The following UNC5A variants were observed in gnomAD, a reference collection of about 807,000 sequenced individuals.
UNC5A encodes netrin receptor UNC5A.
Under a neutral mutation model 87.4 loss-of-function variants are expected in UNC5A, and 20 were observed. The observed-to-expected ratio is 0.23, with a 90% CI of 0.16 to 0.33. The LOEUF (loss-of-function observed/expected upper bound fraction) is 0.33. Among genes scored for constraint, UNC5A ranks in the 10% least tolerant of loss-of-function variants. UNC5A has a pLI of 1.00. For missense variants in UNC5A, 844 were observed against 1,133.4 expected, an observed-to-expected ratio of 0.74 and a Z score of 3.67; for synonymous variants, 438 against 482.3, an observed-to-expected ratio of 0.91 and a Z score of 1.20.
Position 176,862,745 on chromosome 5 carries a change from G to C in UNC5A, c.192G>C (p.Val64=). 1 of 1,613,624 alleles carries C rather than the reference G, an allele frequency of 6.2e-7. No individual in the cohort carries two copies. Among genetic ancestry groups the C allele is most frequent in the South Asian group, 1.1e-5 (1 of 91,078 alleles). The change falls in exon 2 of 15, where the codon GTG becomes GTC. Residue 64 remains valine, a synonymous_variant. Transcript: ENST00000329542. ...YIVKNKPVLL[V]CKAVPATQIF... is the part of the protein sequence containing the mutation. ...TCAAGAACAAGCCAGTGCTGCTTGT[G>C]TGCAAGGCCGTGCCCGCCACGCAGA...
chr5:176,860,160 G>T (rs1469611038), intron 1 of UNC5A, among the ~76,000 whole-genome samples: 1 of 152,222 alleles, frequency 6.6e-6, no homozygotes, highest in Non-Finnish European at 1.5e-5. Context: ...CCAGCGCATT[G>T]TCTACCTGTT....
rs1561665887 is a variant in UNC5A at position 176,869,697 on chromosome 5, T to C, written c.722-673T>C. 4 of 688,928 alleles carry C rather than the reference T, an allele frequency of 5.8e-6. No homozygotes were observed. Among genetic ancestry groups the C allele is most frequent in the Non-Finnish European group, 1.1e-5 (4 of 376,012 alleles). The allele number at this position is 688,928 out of a possible 1,614,324, so 42.7% of individuals were successfully genotyped here. A position where few individuals can be genotyped will look rare whatever the true frequency, so the allele number is the denominator to read the frequency against. ...CGGCTGGCAGAAACGGAGCCGGAGC[T>C]GCACCAACCCGGCGCCTCTCAACGG... On this transcript the variant is annotated intron_variant, in intron 5 of 14. Transcript: ENST00000329542. The surrounding 1 kb of genome is among the most constrained non-coding windows in gnomAD (Gnocchi z 9.1).
At chr5:176,864,628 C>A (rs894197474) in intron 2 of UNC5A, among the ~76,000 whole-genome samples, 3 of 152,238 alleles carry the variant, frequency 2.0e-5, no homozygotes, top group Non-Finnish European at 4.4e-5. Flanking sequence ...TCACACACCA[C>A]CCCTCCGTGA....
At position 176,880,285 on chromosome 5, in the gene UNC5A, C is replaced by T; in HGVS notation, c.*399C>T. 6.0e-6 allele frequency: 1 copy of T among 166,342 alleles called. No homozygotes were observed. The allele number at this position is 166,342 out of a possible 1,614,324, so 10.3% of individuals were successfully genotyped here. A position where few individuals can be genotyped will look rare whatever the true frequency, so the allele number is the denominator to read the frequency against. On this transcript the variant is annotated 3_prime_UTR_variant, in exon 15 of 15. Coordinates refer to ENST00000329542, the MANE Select transcript of UNC5A (RefSeq NM_133369.3). ...CCCAGAGCTCCTGCCTGAGCTGGACCTTATGCAAACATTTCTGTGCCTGCT... is the reference window on the plus strand; with the variant it reads ...CCCAGAGCTCCTGCCTGAGCTGGACTTTATGCAAACATTTCTGTGCCTGCT...
At chr5:176,873,557 C>T (rs1314937322) in intron 6 of UNC5A, among the ~76,000 whole-genome samples, 1 of 152,168 alleles carries the variant, frequency 6.6e-6, no homozygotes, top group Non-Finnish European at 1.5e-5. Flanking sequence ...TGACCTGGAA[C>T]CACACAGGAG....
In UNC5A at chr5:176,851,586, G is replaced by A. The variant is rs547002374; in HGVS notation, c.71-11038G>A. Among the ~76,000 whole-genome samples the A allele has an allele frequency of 5.3e-5, 8 of 152,342 alleles. No individual in the cohort carries two copies. The South Asian group carries it at 8.3e-4, about 16-fold the overall frequency. ...CCACGCTGTTCATCATCCCCGCGCC[G>A]GGGCCACACCTGGGCTGGGGGCGGG... On this transcript the variant is annotated intron_variant, in intron 1 of 14. Transcript: ENST00000329542.
intron 6 of UNC5A, among the ~76,000 whole-genome samples, chr5:176,873,332 C>G (rs988048757): frequency 4.0e-5 from 6 of 151,540 alleles, no homozygotes; most frequent in African/African-American, 1.5e-4. Flanking sequence ...TTTTTTTTTC[C>G]TCTAGAACAT....
At chr5:176,813,011 C>G (rs761421363) in intron 1 of UNC5A, among the ~76,000 whole-genome samples, 1 of 152,178 alleles carries the variant, frequency 6.6e-6, no homozygotes, top group Non-Finnish European at 1.5e-5. Flanking sequence ...CAGGGGGCGC[C>G]GGGGGCCAGC....
intron 3 of UNC5A, 135 bp from the exon 4 acceptor site, chr5:176,868,426 C>A: frequency 7.0e-7 from 1 of 1,436,632 alleles, no homozygotes; most frequent in Non-Finnish European, 9.5e-7. Flanking sequence ...CACGGCCCAG[C>A]CACCCCATGG....
At chr5:176,827,884 G>T (rs915648410) in intron 1 of UNC5A, among the ~76,000 whole-genome samples, 18 of 152,164 alleles carry the variant, frequency 1.2e-4, no homozygotes, top group Admixed American at 9.2e-4. Context: ...GAATCTGTGC[G>T]TGGCCACCAG....
At chr5:176,819,561 G>T (rs1160400362) in intron 1 of UNC5A, among the ~76,000 whole-genome samples, 1 of 152,134 alleles carries the variant, frequency 6.6e-6, no homozygotes, top group Non-Finnish European at 1.5e-5. Context: ...GCTGCCAGGA[G>T]CTTCCGGGAC....
intron 1 of UNC5A, among the ~76,000 whole-genome samples, chr5:176,845,116 A>G (rs554998666): frequency 1.3e-5 from 2 of 152,228 alleles, no homozygotes; most frequent in East Asian, 3.9e-4. Flanking sequence ...CCCCGCCAGG[A>G]GAGTCACCCT....
chr5:176,829,204 GGT>G (rs1225427223), intron 1 of UNC5A, among the ~76,000 whole-genome samples: 8 of 27,082 alleles, frequency 3.0e-4, no homozygotes, highest in Non-Finnish European at 4.5e-4. Context: ...ATGGATGGAT[GGT>G]TGGATGGATG....
chr5:176,857,311 T>C (rs1462665239), intron 1 of UNC5A, among the ~76,000 whole-genome samples: 2 of 152,172 alleles, frequency 1.3e-5, no homozygotes, highest in Non-Finnish European at 2.9e-5. Context: ...AGGCACTCAA[T>C]AATTATTTGT....
At chr5:176,821,141 G>A (rs1388701749) in intron 1 of UNC5A, among the ~76,000 whole-genome samples, 1 of 152,140 alleles carries the variant, frequency 6.6e-6, no homozygotes, top group Admixed American at 6.5e-5. Flanking sequence ...CTTCCTCCAA[G>A]CCCCGCCCCT....
intron 1 of UNC5A, among the ~76,000 whole-genome samples, chr5:176,813,661 A>G (rs1264555100): frequency 6.6e-6 from 1 of 152,192 alleles, no homozygotes; most frequent in Non-Finnish European, 1.5e-5. Flanking sequence ...CCCACACCAG[A>G]AGTCACGGCC....
intron 1 of UNC5A, among the ~76,000 whole-genome samples, chr5:176,828,515 C>T (rs1489289808): frequency 1.3e-5 from 2 of 152,182 alleles, no homozygotes; most frequent in Admixed American, 6.5e-5. Context: ...GAAGCCTCAG[C>T]CCCCCCATCT....
chr5:176,825,950 G>A (rs1223824431), intron 1 of UNC5A, among the ~76,000 whole-genome samples: 1 of 152,224 alleles, frequency 6.6e-6, no homozygotes, highest in Non-Finnish European at 1.5e-5. Flanking sequence ...GGGCATGCTG[G>A]GTAGCCAGTG....
At chr5:176,842,039 T>C (rs1025522499) in intron 1 of UNC5A, among the ~76,000 whole-genome samples, 2 of 151,612 alleles carry the variant, frequency 1.3e-5, no homozygotes, top group Non-Finnish European at 2.9e-5. Flanking sequence ...CTACTAAAAA[T>C]ACAAAAAATT....
Sources: gnomAD v4.1 joint callset for allele counts (sites outside exome capture counted in the v4.1 genomes callset) on GRCh38, gnomAD v4.1.1 for gene constraint, Gnocchi (gnomAD v3.1) non-coding constraint, MANE v1.5 for transcripts, NCBI Gene and HGNC (gene_info 2026-07-23, HGNC 2026-07-21) for gene names.